ANAPC1: variants seen among roughly 807,000 people sequenced by gnomAD.
The protein encoded by ANAPC1 is anaphase-promoting complex subunit 1.
ANAPC1 carries 36 observed loss-of-function variants against 208.0 expected under a neutral mutation model. The ratio of observed to expected loss-of-function variants is 0.17; its 90% CI spans 0.13 to 0.23. ANAPC1 has a LOEUF of 0.23. ANAPC1 is among the 10% of genes least tolerant of loss of function. The pLI, the probability that ANAPC1 is intolerant of heterozygous loss-of-function variation, is 1.00. For missense variants in ANAPC1, 942 were observed against 2,011.6 expected, an observed-to-expected ratio of 0.47 and a Z score of 10.17; for synonymous variants, 378 against 695.2, an observed-to-expected ratio of 0.54 and a Z score of 7.18.
chr2:111,844,773 G>A (rs1056251752), intron 16 of ANAPC1, among the ~76,000 whole-genome samples: 5 of 152,144 alleles, frequency 3.3e-5, no homozygotes, highest in African/African-American at 1.2e-4. Flanking sequence ...TTCTGAGGTC[G>A]TTCAGTTTCT....
chr2:111,864,946 A>G lies in ANAPC1; in HGVS notation c.691T>C (p.Phe231Leu). Residue 231 changes from phenylalanine to leucine, a missense_variant, in exon 8 of 48, where the codon TTT (phenylalanine) becomes CTT (leucine). Transcript: ENST00000341068. ...TPLVCKSGSL[F>L]GSSRVQYVVD... Reference sequence around the variant, plus strand: ...ACATATTGCACCCGTGATGAACCAAAAAGACCTTAAAAATAAAATAGAAAA... The same window carrying G: ...ACATATTGCACCCGTGATGAACCAAGAAGACCTTAAAAATAAAATAGAAAA... The G allele has an allele frequency of 6.2e-6, 10 of 1,608,858 alleles. No individual in the cohort carries two copies. Among genetic ancestry groups the G allele is most frequent in the Non-Finnish European group, 8.5e-6 (10 of 1,178,942 alleles).
At position 111,850,934 on chromosome 2, in the gene ANAPC1, A is replaced by G. The variant is rs771401049; in HGVS notation, c.1516-24T>C. On this transcript the variant is annotated intron_variant, in intron 13 of 47. Transcript: ENST00000341068. ...ACCTTTAAGCAATAAAAACATGTGGAAAAAAAAATATTGCCTTTAATGCAT... is the reference window on the plus strand; with the variant it reads ...ACCTTTAAGCAATAAAAACATGTGGGAAAAAAAATATTGCCTTTAATGCAT... 9.9e-5 allele frequency: 155 copies of G among 1,571,786 alleles called. 1 individual carries two copies. Among genetic ancestry groups the G allele is most frequent in the Non-Finnish European group, 1.1e-4 (132 of 1,165,032 alleles).
chr2:111,881,591 T>C (rs1683300447), intron 1 of ANAPC1, among the ~76,000 whole-genome samples: 1 of 152,242 alleles, frequency 6.6e-6, no homozygotes, highest in Admixed American at 6.5e-5. Flanking sequence ...ACTAAAAAAA[T>C]GTGGATGAAC....
intron 33 of ANAPC1, among the ~76,000 whole-genome samples, chr2:111,801,118 A>G (rs1378201094): frequency 1.3e-5 from 2 of 152,140 alleles, no homozygotes; most frequent in African/African-American, 4.8e-5. Flanking sequence ...GCACTTTGGG[A>G]GACCAAGGCG....
At chr2:111,817,386 T>C (rs1268351305) in intron 27 of ANAPC1, among the ~76,000 whole-genome samples, 1 of 152,200 alleles carries the variant, frequency 6.6e-6, no homozygotes, top group Non-Finnish European at 1.5e-5. Context: ...ACTTATTATA[T>C]GAAATCTTTC....
chr2:111,772,580 T>C (rs1165888885), intron 46 of ANAPC1, 105 bp from the exon 47 acceptor site: 1 of 515,568 alleles, frequency 1.9e-6, no homozygotes, highest in Non-Finnish European at 3.4e-6. Flanking sequence ...ACGCTCAGCA[T>C]ATATAAAGCA....
chr2:111,856,571 C>T, intron 13 of ANAPC1, 43 bp downstream of exon 13: 3 of 1,530,084 alleles, frequency 2.0e-6, no homozygotes, highest in Non-Finnish European at 1.8e-6. Flanking sequence ...ATGCAGGCAG[C>T]CTGAAGTCCT....
Position 111,794,319 on chromosome 2 carries a change from C to T in ANAPC1, c.4378G>A (p.Ala1460Thr), listed in dbSNP as rs780177993. The change falls in exon 36 of 48, where the codon GCA (alanine) becomes ACA (threonine). Residue 1460 changes from alanine (A) to threonine (T), a missense_variant. Coordinates refer to ENST00000341068, the MANE Select transcript of ANAPC1 (RefSeq NM_022662.4). ...GCTCCTGCAATTATGTAGACATGTG[C>T]TTGGCTGAAAACAGGTGACAAGAAA... The part of the protein sequence containing the change: ...EDLNLETLSQ[A>T]HVYIIAGACL... 2.5e-6 allele frequency: 4 copies of T among 1,599,664 alleles called. No individual in the cohort carries two copies. In the South Asian group the frequency reaches 4.6e-5, roughly 18 times the overall value.
intron 18 of ANAPC1, among the ~76,000 whole-genome samples, chr2:111,835,975 G>C (rs1680445929): frequency 6.6e-6 from 1 of 152,142 alleles, no homozygotes; most frequent in South Asian, 2.1e-4. Flanking sequence ...GAACATGTAA[G>C]AACTTCAACA....
At chr2:111,883,308 TATA>T (rs1683420313) in intron 1 of ANAPC1, among the ~76,000 whole-genome samples, 2 of 152,044 alleles carry the variant, frequency 1.3e-5, no homozygotes, top group African/African-American at 4.8e-5. Context: ...TCTGCAATTT[TATA>T]ATGTTATTTT....
chr2:111,804,934 C>CT (rs555169204), intron 30 of ANAPC1, among the ~76,000 whole-genome samples: 1,084 of 31,244 alleles, frequency 0.035, 61 homozygotes, highest in South Asian at 0.13. Context: ...TCCACTATAA[C>CT]TTTTTTTTTT....
At chr2:111,859,170 C>A (rs1291353198) in intron 10 of ANAPC1, among the ~76,000 whole-genome samples, 1 of 152,114 alleles carries the variant, frequency 6.6e-6, no homozygotes, top group Non-Finnish European at 1.5e-5. Flanking sequence ...ATCTCTAATT[C>A]CCAAACCCTT....
At chr2:111,883,570 G>T (rs1436775741) in intron 1 of ANAPC1, among the ~76,000 whole-genome samples, 1 of 150,996 alleles carries the variant, frequency 6.6e-6, no homozygotes, top group East Asian at 1.9e-4. Context: ...GCACACTAAC[G>T]GGAGCTTAAG....
At chr2:111,860,480 T>A (rs1467641570) in intron 10 of ANAPC1, among the ~76,000 whole-genome samples, 3 of 143,012 alleles carry the variant, frequency 2.1e-5, no homozygotes, top group Non-Finnish European at 4.5e-5. Flanking sequence ...TCAGTCCCCA[T>A]TTACTTTTTC....
At chr2:111,785,693 A>T (rs1241709886) in intron 39 of ANAPC1, among the ~76,000 whole-genome samples, 3 of 152,088 alleles carry the variant, frequency 2.0e-5, no homozygotes, top group African/African-American at 7.2e-5. Flanking sequence ...ATAATTCTTT[A>T]CTTTAGTCTT....
intron 33 of ANAPC1, among the ~76,000 whole-genome samples, chr2:111,801,250 A>G (rs190395401): frequency 0.021 from 3,166 of 151,364 alleles, 100 homozygotes; most frequent in African/African-American, 0.072. Flanking sequence ...CTAGCTACTC[A>G]GGAGGCTGAG....
intron 21 of ANAPC1, among the ~76,000 whole-genome samples, chr2:111,830,362 G>A (rs1387062700): frequency 6.6e-6 from 1 of 151,944 alleles, no homozygotes; most frequent in Non-Finnish European, 1.5e-5. Flanking sequence ...CTTAAAACCT[G>A]ACATGTTATA....
At chr2:111,790,166 G>A (rs1464612698) in intron 38 of ANAPC1, among the ~76,000 whole-genome samples, 20 of 151,708 alleles carry the variant, frequency 1.3e-4, no homozygotes, top group Non-Finnish European at 2.8e-4. Context: ...TATATACAGG[G>A]GTATACCATA....
intron 24 of ANAPC1, among the ~76,000 whole-genome samples, chr2:111,823,232 T>A (rs556083418): frequency 1.3e-5 from 2 of 151,670 alleles, no homozygotes; most frequent in Non-Finnish European, 2.9e-5. Context: ...TTAGCCAGGA[T>A]GGTCTCGATC....
Sources: gnomAD v4.1 joint callset for allele counts (sites outside exome capture counted in the v4.1 genomes callset) on GRCh38, gnomAD v4.1.1 for gene constraint, MANE v1.5 for transcripts, NCBI Gene and HGNC (gene_info 2026-07-23, HGNC 2026-07-21) for gene names.